OTUD7A: variants seen among roughly 807,000 people sequenced by gnomAD.
OTUD7A encodes OTU deubiquitinase 7A.
OTUD7A carries 12 observed loss-of-function variants against 65.7 expected under a neutral mutation model. The observed-to-expected ratio is 0.18, with a 90% CI of 0.12 to 0.30. The LOEUF (loss-of-function observed/expected upper bound fraction) is 0.30. Ranked by LOEUF, OTUD7A falls within the 10% of genes least tolerant of loss-of-function variation. The pLI is 1.00. For synonymous variants in OTUD7A, 641 were observed against 586.3 expected (o/e 1.09, Z -1.35); for missense variants, 1,148 against 1,304.8 (o/e 0.88, Z 1.85).
At position 31,773,328 on chromosome 15, in the gene OTUD7A, G is replaced by C. The variant is rs117719383; in HGVS notation, c.-100+97179C>G. On this transcript the variant is annotated intron_variant, in intron 1 of 12. Coordinates refer to ENST00000307050, the MANE Select transcript of OTUD7A (RefSeq NM_001382637.1). The stretch of plus-strand genomic sequence containing the variant: ...AATACCATTGAATATGTAGCTTATC[G>C]ACAATTTCTCACAGTTCTGGAGGGA... Among the ~76,000 whole-genome samples, 612 of 152,256 alleles carry C rather than the reference G, an allele frequency of 4.0e-3. 2 individuals carry two copies. The highest frequency in any genetic ancestry group is 7.1e-3 in the Non-Finnish European group (481 of 68,016).
intron 1 of OTUD7A, among the ~76,000 whole-genome samples, chr15:31,760,888 T>C (rs1894943140): frequency 6.6e-6 from 1 of 152,210 alleles, no homozygotes; most frequent in Non-Finnish European, 1.5e-5. Flanking sequence ...AGCAGCAAGA[T>C]AATTTTGTGG....
chr15:31,759,878 C>A (rs1894915912), intron 1 of OTUD7A, among the ~76,000 whole-genome samples: 1 of 152,164 alleles, frequency 6.6e-6, no homozygotes, highest in Non-Finnish European at 1.5e-5. Context: ...CTTCCCTCTA[C>A]TCTGCATCAC....
intron 3 of OTUD7A, among the ~76,000 whole-genome samples, chr15:31,587,769 C>T (rs1033362789): frequency 3.3e-5 from 5 of 152,186 alleles, no homozygotes; most frequent in African/African-American, 4.8e-5. Context: ...AATCTGGCCC[C>T]GGGCACCAAG....
At chr15:31,835,362 A>G (rs1401569407) in intron 1 of OTUD7A, among the ~76,000 whole-genome samples, 1 of 152,354 alleles carries the variant, frequency 6.6e-6, no homozygotes, top group Admixed American at 6.5e-5. Context: ...TTAACTAGGC[A>G]TCCCGTATTA....
At chr15:31,764,229 C>T (rs1348911441) in intron 1 of OTUD7A, among the ~76,000 whole-genome samples, 3 of 152,042 alleles carry the variant, frequency 2.0e-5, no homozygotes, top group African/African-American at 4.8e-5. Context: ...TTTTAGTATA[C>T]AAATGCCTTA....
At position 31,753,704 on chromosome 15, in the gene OTUD7A, A is replaced by T. The variant is rs367929845; in HGVS notation, c.-99-96627T>A. On this transcript the variant is annotated intron_variant, in intron 1 of 12. Coordinates refer to ENST00000307050, the MANE Select transcript of OTUD7A (RefSeq NM_001382637.1). ...CCTGTGAGATATATATATATATATT[A>T]TATATATATATATATATTATATATA... Among the ~76,000 whole-genome samples the T allele has an allele frequency of 2.8e-3, 43 of 15,296 alleles. 3 individuals are homozygous for T. The highest frequency in any genetic ancestry group is 0.014 in the South Asian group (9 of 654). 10.0% of individuals were successfully genotyped at this position (15,296 alleles called of 152,430 possible).
intron 1 of OTUD7A, among the ~76,000 whole-genome samples, chr15:31,738,432 C>G (rs1894251131): frequency 6.6e-6 from 1 of 152,166 alleles, no homozygotes; most frequent in Non-Finnish European, 1.5e-5. Flanking sequence ...ACCATCAGCG[C>G]TGAATCTACA....
intron 3 of OTUD7A, among the ~76,000 whole-genome samples, chr15:31,573,859 C>T (rs144995355): frequency 1.3e-5 from 2 of 152,160 alleles, no homozygotes; most frequent in African/African-American, 4.8e-5. Context: ...TGAGATTGCA[C>T]CACTGCATGC....
chr15:31,483,598 A>C lies in OTUD7A; in HGVS notation c.2498T>G (p.Leu833Arg). 1 of 1,225,828 alleles carries C rather than the reference A, an allele frequency of 8.2e-7. No homozygotes were observed. Among genetic ancestry groups the C allele is most frequent in the Non-Finnish European group, 1.0e-6 (1 of 987,174 alleles). The allele number at this position is 1,225,828 out of a possible 1,614,324, so 75.9% of individuals were successfully genotyped here. Reference protein sequence around the residue: ...ALRTVNTVESLARAVPGALPG... With the variant: ...ALRTVNTVESRARAVPGALPG... ...TAGGGCCCCGGGCACCGCGCGCGCCAGCGACTCGACCGTGTTGACGGTGCG... is the reference window on the plus strand; with the variant it reads ...TAGGGCCCCGGGCACCGCGCGCGCCCGCGACTCGACCGTGTTGACGGTGCG... Residue 833 changes from leucine (L) to arginine (R), a missense_variant, in exon 13 of 13, where the codon CTG (leucine) becomes CGG (arginine). Physicochemically the swap from Leu to Arg is moderately radical, Grantham distance 102 (BLOSUM62 -2). Transcript: ENST00000307050.
intron 1 of OTUD7A, among the ~76,000 whole-genome samples, chr15:31,796,252 A>G (rs951808621): frequency 2.7e-5 from 4 of 150,702 alleles, no homozygotes; most frequent in Admixed American, 6.6e-5. Flanking sequence ...TCTGTCTTCT[A>G]TCTTTCTAGA....
chr15:31,609,615 T>C (rs907997469), intron 3 of OTUD7A, among the ~76,000 whole-genome samples: 60 of 152,098 alleles, frequency 3.9e-4, no homozygotes, highest in African/African-American at 1.3e-3. Flanking sequence ...CTGCCCCCCA[T>C]TGATGGTCCT....
intron 6 of OTUD7A, among the ~76,000 whole-genome samples, chr15:31,530,310 C>T (rs1218622242): frequency 6.6e-6 from 1 of 152,224 alleles, no homozygotes; most frequent in Non-Finnish European, 1.5e-5. Context: ...TCCATTCCTG[C>T]CTTTATGCTT....
At chr15:31,573,050 T>C (rs1889099571) in intron 3 of OTUD7A, among the ~76,000 whole-genome samples, 1 of 152,194 alleles carries the variant, frequency 6.6e-6, no homozygotes, top group Admixed American at 6.5e-5. Context: ...ATAAGGAAAC[T>C]GTTCTAGTAT....
At chr15:31,642,067 A>T (rs902537452) in intron 3 of OTUD7A, among the ~76,000 whole-genome samples, 13 of 152,196 alleles carry the variant, frequency 8.5e-5, no homozygotes, top group African/African-American at 3.1e-4. Flanking sequence ...ACTTTATATA[A>T]GATTGAGGAA....
chr15:31,632,225 T>C (rs998992739), intron 3 of OTUD7A, among the ~76,000 whole-genome samples: 1 of 152,198 alleles, frequency 6.6e-6, no homozygotes, highest in African/African-American at 2.4e-5. Flanking sequence ...TGGCTTTATC[T>C]ACTTTTGGTC....
At chr15:31,760,917 T>G (rs1164802287) in intron 1 of OTUD7A, among the ~76,000 whole-genome samples, 7 of 152,140 alleles carry the variant, frequency 4.6e-5, no homozygotes, top group East Asian at 1.9e-4. Flanking sequence ...CAGGTTTTTT[T>G]GGGTTTTTTT....
At chr15:31,630,537 G>A (rs1475877922) in intron 3 of OTUD7A, among the ~76,000 whole-genome samples, 1 of 152,166 alleles carries the variant, frequency 6.6e-6, no homozygotes, top group Non-Finnish European at 1.5e-5. Flanking sequence ...TGGAATAGGT[G>A]TGGTGCTGAA....
At chr15:31,783,194 G>C (rs1895586036) in intron 1 of OTUD7A, among the ~76,000 whole-genome samples, 1 of 152,184 alleles carries the variant, frequency 6.6e-6, no homozygotes, top group South Asian at 2.1e-4. Flanking sequence ...ACAAAGGAAA[G>C]AATTTCTCAG....
intron 1 of OTUD7A, among the ~76,000 whole-genome samples, chr15:31,861,309 A>G (rs1458303186): frequency 3.3e-5 from 5 of 152,190 alleles, no homozygotes; most frequent in Non-Finnish European, 5.9e-5. Flanking sequence ...TTCTCTAGTC[A>G]CTAGTCAACG....
Sources: allele counts gnomAD v4.1 joint callset (sites outside exome capture counted in the v4.1 genomes callset), GRCh38; gene constraint gnomAD v4.1.1; transcripts MANE v1.5; gene names NCBI Gene and HGNC (gene_info 2026-07-23, HGNC 2026-07-21).